Variants in TP73 observed in about 807,000 individuals in gnomAD.
TP73 encodes the protein tumor protein p73, also known as p53-like transcription factor.
TP73 carries 25 observed loss-of-function variants against 62.5 expected under a neutral mutation model. The observed-to-expected ratio is 0.40, with a 90% CI of 0.29 to 0.56. The LOEUF (loss-of-function observed/expected upper bound fraction) is 0.56, where lower values mean the gene tolerates loss of function less well. Among genes scored for constraint, TP73 ranks in the 20% least tolerant of loss-of-function variants. TP73 has a pLI of 0.46. For missense variants in TP73, 754 were observed against 913.3 expected (o/e 0.83, Z 2.25); for synonymous variants, 423 against 377.5 (o/e 1.12, Z -1.40).
chr1:3,715,719 C>T (rs1640538609), intron 4 of TP73, among the ~76,000 whole-genome samples: 3 of 152,338 alleles, frequency 2.0e-5, no homozygotes, highest in East Asian at 1.9e-4. Context: ...AACGCTGCCT[C>T]GCAGCCTCCC....
chr1:3,658,383 G>A (rs1000931851), intron 1 of TP73, among the ~76,000 whole-genome samples: 10 of 152,194 alleles, frequency 6.6e-5, no homozygotes, highest in South Asian at 2.1e-4. Flanking sequence ...GCCCGGAAGT[G>A]CCATAAAAAC....
In TP73 at chr1:3,676,559, G is replaced by A. The variant is rs1645375581; in HGVS notation, c.-33-5774G>A. On this transcript the variant is annotated intron_variant, in intron 1 of 13. Coordinates refer to ENST00000378295, the MANE Select transcript of TP73 (RefSeq NM_005427.4). ...ATGGAAGACGAGGCCAGAGGGGTTG[G>A]GCAGGGTGAGATGAGAGAGGCTGAG... Among the ~76,000 whole-genome samples the A allele has an allele frequency of 2.0e-5, 3 of 151,874 alleles. No homozygotes were observed. The South Asian group carries it at 6.2e-4, about 32-fold the overall frequency.
At chr1:3,689,643 C>G (rs920332478) in intron 3 of TP73, among the ~76,000 whole-genome samples, 44 of 151,796 alleles carry the variant, frequency 2.9e-4, no homozygotes, top group Middle Eastern at 3.4e-3. Flanking sequence ...GTGGGGACGA[C>G]AGGGAGGAAG....
At chr1:3,697,712 A>G (rs1182482355) in intron 3 of TP73, among the ~76,000 whole-genome samples, 2 of 152,232 alleles carry the variant, frequency 1.3e-5, no homozygotes, top group Non-Finnish European at 2.9e-5. Flanking sequence ...CTGCCTTTGC[A>G]GGAGCTGACC....
chr1:3,727,513 T>C, intron 7 of TP73, 115 bp from the exon 8 acceptor site: 6 of 1,428,068 alleles, frequency 4.2e-6, no homozygotes, highest in Non-Finnish European at 5.7e-6. Context: ...GGGTGCTCTG[T>C]GGTGACCGAG....
chr1:3,661,840 T>TAA (rs1347054770), intron 1 of TP73, among the ~76,000 whole-genome samples: 2 of 147,470 alleles, frequency 1.4e-5, no homozygotes, highest in African/African-American at 4.9e-5. Flanking sequence ...GCTATATATA[T>TAA]AATATATGTA....
At chr1:3,693,748 T>A (rs36150902) in intron 3 of TP73, among the ~76,000 whole-genome samples, 1 of 56,020 alleles carries the variant, frequency 1.8e-5, no homozygotes, top group Non-Finnish European at 3.6e-5. Flanking sequence ...CAGCCTCAGC[T>A]CCTCCTCCCA....
At chr1:3,710,271 G>A (rs1640024678) in intron 4 of TP73, among the ~76,000 whole-genome samples, 1 of 152,082 alleles carries the variant, frequency 6.6e-6, no homozygotes, top group Non-Finnish European at 1.5e-5. Flanking sequence ...CTCCTCCGAA[G>A]CCCTGTGGAT....
chr1:3,657,831 G>T (rs978932959), intron 1 of TP73, among the ~76,000 whole-genome samples: 1 of 152,192 alleles, frequency 6.6e-6, no homozygotes, highest in Non-Finnish European at 1.5e-5. Context: ...CTGGAAAACA[G>T]ACTGTTCCAC....
At chr1:3,722,771 T>G (rs570930954) in intron 5 of TP73, among the ~76,000 whole-genome samples, 1 of 138,680 alleles carries the variant, frequency 7.2e-6, no homozygotes. Flanking sequence ...TTTCTTCACC[T>G]GGCATGGGAC....
intron 3 of TP73, among the ~76,000 whole-genome samples, chr1:3,685,111 C>T (rs991898132): frequency 6.6e-6 from 1 of 152,182 alleles, no homozygotes; most frequent in African/African-American, 2.4e-5. Flanking sequence ...CACCTCCCAA[C>T]CCCAAGTTGC....
Position 3,728,311 on chromosome 1 carries a change from C to T in TP73, c.1074+94C>T, listed in dbSNP as rs766682112. The T allele has an allele frequency of 1.3e-4, 181 of 1,353,540 alleles. No homozygotes were observed. In the Middle Eastern group the frequency reaches 2.2e-3, roughly 16 times the overall value. The allele number at this position is 1,353,540 out of a possible 1,614,324, so 83.8% of individuals were successfully genotyped here. On this transcript the variant is annotated intron_variant, in intron 9 of 13. Transcript: ENST00000378295. ...GGGCCATGGGGAGGGACTCTGGAGA[C>T]CATGGTGGAGGGGGCGGGAGGAGCC...
chr1:3,726,012 G>T (rs1570622936), intron 6 of TP73, among the ~76,000 whole-genome samples: 1 of 103,398 alleles, frequency 9.7e-6, no homozygotes, highest in South Asian at 3.9e-4. Context: ...GGATGGATGG[G>T]GTGGGTGTGG....
At chr1:3,732,278 A>G (rs528233393) in intron 13 of TP73, among the ~76,000 whole-genome samples, 30 of 152,316 alleles carry the variant, frequency 2.0e-4, no homozygotes, top group Non-Finnish European at 3.7e-4. Context: ...CCTCGTGCAG[A>G]GAGTGGCCGC....
chr1:3,666,757 G>T lies in TP73; in HGVS notation c.-34+14116G>T, dbSNP rs953905588. ...AGTAAGCATTGGCGGTGGGGATGGT[G>T]CTCTGAGCAGACGCGACTCAGTGCC... On this transcript the variant is annotated intron_variant, in intron 1 of 13. Coordinates refer to ENST00000378295, the MANE Select transcript of TP73 (RefSeq NM_005427.4). The surrounding 1 kb of genome is among the most constrained non-coding windows in gnomAD (Gnocchi z 6.4). Among the ~76,000 whole-genome samples the T allele has an allele frequency of 6.6e-6, 1 of 152,196 alleles. No homozygotes were observed. Among genetic ancestry groups the T allele is most frequent in the Non-Finnish European group, 1.5e-5 (1 of 68,044 alleles).
At chr1:3,707,959 C>T (rs1305734340) in intron 4 of TP73, 168 bp downstream of exon 4, 8 of 1,179,774 alleles carry the variant, frequency 6.8e-6, no homozygotes, top group African/African-American at 3.1e-5. Flanking sequence ...GTCTCAGGGC[C>T]GGGCAGTCTG....
intron 4 of TP73, among the ~76,000 whole-genome samples, chr1:3,711,353 TGAGCCCTGCTGGCCACTCCTGTCCTGG>T (rs1640124602): frequency 6.6e-6 from 1 of 152,222 alleles, no homozygotes; most frequent in South Asian, 2.1e-4. Flanking sequence ...ACCTGGCCTC[TGAGCCCTGCTGGCCACTCCTGTCCTGG>T]GAGCCCTGCA....
At chr1:3,731,923 G>A (rs970299679) in intron 13 of TP73, among the ~76,000 whole-genome samples, 6 of 152,212 alleles carry the variant, frequency 3.9e-5, no homozygotes, top group Non-Finnish European at 7.3e-5. Flanking sequence ...AGAGGTCAGC[G>A]CCATTTACAC....
Position 3,735,294 on chromosome 1 carries a change from G to T in TP73, c.*2215G>T, listed in dbSNP as rs531301540. ...CGCAGATGTGCTTCAGTTCCAGAGG[G>T]CTTGTTGATTTGTTTCTTAGGTACG... is the stretch of plus-strand genomic sequence containing the variant. On this transcript the variant is annotated 3_prime_UTR_variant, in exon 14 of 14. Transcript: ENST00000378295. 1.1e-4 allele frequency: 17 copies of T among 152,150 alleles called. 1 individual carries two copies. The highest frequency in any genetic ancestry group is 4.1e-4 in the African/African-American group (17 of 41,480). The allele number at this position is 152,150 out of a possible 1,614,324, so 9.4% of individuals were successfully genotyped here. A position where few individuals can be genotyped will look rare whatever the true frequency, so the allele number is the denominator to read the frequency against.
Sources: allele counts gnomAD v4.1 joint callset (sites outside exome capture counted in the v4.1 genomes callset), GRCh38; gene constraint gnomAD v4.1.1; non-coding constraint Gnocchi (gnomAD v3.1); transcripts MANE v1.5; gene names NCBI Gene and HGNC (gene_info 2026-07-23, HGNC 2026-07-21).